FAM120A: variants seen among roughly 807,000 people sequenced by gnomAD.
FAM120A encodes the protein constitutive coactivator of PPAR-gamma-like protein 1.
Under a neutral mutation model 109.7 loss-of-function variants are expected in FAM120A, and 15 were observed. That is an observed-to-expected ratio of 0.14 (90% confidence interval 0.09 to 0.21). FAM120A has a LOEUF of 0.21. Ranked by LOEUF, FAM120A falls within the 10% of genes least tolerant of loss-of-function variation. FAM120A has a pLI of 1.00. For missense variants in FAM120A, 899 were observed against 1,439.3 expected, an observed-to-expected ratio of 0.62 and a Z score of 6.07; for synonymous variants, 493 against 572.8, an observed-to-expected ratio of 0.86 and a Z score of 1.99.
chr9:93,513,357 C>T (rs1237114960), intron 5 of FAM120A, among the ~76,000 whole-genome samples: 1 of 152,152 alleles, frequency 6.6e-6, no homozygotes, highest in Non-Finnish European at 1.5e-5. Flanking sequence ...TGTTTGTGTG[C>T]ACTTCTGTGT....
intron 17 of FAM120A, among the ~76,000 whole-genome samples, chr9:93,563,266 C>T (rs917841608): frequency 5.9e-5 from 9 of 152,148 alleles, no homozygotes; most frequent in African/African-American, 2.2e-4. Flanking sequence ...GAAGGGAATG[C>T]GATGACGAGC....
chr9:93,543,375 T>A lies in FAM120A; in HGVS notation c.2063T>A (p.Met688Lys). The A allele has an allele frequency of 6.2e-7, 1 of 1,614,182 alleles. No homozygotes were observed. Among genetic ancestry groups the A allele is most frequent in the South Asian group, 1.1e-5 (1 of 91,086 alleles). ...GCGGTAGAGGACAAGAACCGCAGGA[T>A]GAGGGCCTTCCTGGCCTGCATGAGG... ...GKAVEDKNRR[M>K]RAFLACMRSD... The change falls in exon 11 of 18, where the codon ATG (methionine) becomes AAG (lysine). Residue 688 changes from methionine (M) to lysine (K), a missense_variant. Coordinates refer to ENST00000277165, the MANE Select transcript of FAM120A (RefSeq NM_014612.5).
At chr9:93,504,363 G>A (rs920469479) in intron 5 of FAM120A, among the ~76,000 whole-genome samples, 2 of 152,074 alleles carry the variant, frequency 1.3e-5, no homozygotes, top group East Asian at 1.9e-4. Context: ...AAATGATTTT[G>A]TAACTATCAT....
At chr9:93,554,118 GATAC>G (rs1862198976) in intron 12 of FAM120A, among the ~76,000 whole-genome samples, 1 of 30,426 alleles carries the variant, frequency 3.3e-5, no homozygotes, top group East Asian at 1.5e-3. Flanking sequence ...AAGGCCATTT[GATAC>G]ACACACACAC....
At position 93,532,442 on chromosome 9, in the gene FAM120A, A is replaced by G. The variant is rs1362091163; in HGVS notation, c.1909+113A>G. ...GAGTTGACCCCGAGTGCCTCTGTGT[A>G]AAGGAGGTGGGCCCATCATCGGGGC... On this transcript the variant is annotated intron_variant, in intron 10 of 17. Transcript: ENST00000277165. The surrounding 1 kb of genome is among the most constrained non-coding windows in gnomAD (Gnocchi z 4.3). The G allele has an allele frequency of 4.1e-6, 5 of 1,220,310 alleles. No individual in the cohort carries two copies. In the Admixed American group the frequency reaches 5.3e-5, roughly 13 times the overall value. The allele number at this position is 1,220,310 out of a possible 1,614,324, so 75.6% of individuals were successfully genotyped here.
At chr9:93,512,573 T>G (rs1412650027) in intron 5 of FAM120A, among the ~76,000 whole-genome samples, 2 of 151,806 alleles carry the variant, frequency 1.3e-5, no homozygotes, top group Non-Finnish European at 2.9e-5. Flanking sequence ...CTCTAGTAAG[T>G]GTGAAAGGAA....
rs922248660 is a variant in FAM120A, at chr9:93,500,639, C to T, written c.1030+1753C>T. ...GAATTGATCCACTTGGTTTTTAAAT[C>T]AAGAGAGTGAAGTGGTGAGATGTGT... On this transcript the variant is annotated intron_variant, in intron 5 of 17. Coordinates refer to ENST00000277165, the MANE Select transcript of FAM120A (RefSeq NM_014612.5). This position sits in a 1 kb window ranked among gnomAD's most constrained non-coding sequence, Gnocchi z 4.6. Among the ~76,000 whole-genome samples the T allele has an allele frequency of 6.6e-6, 1 of 152,116 alleles. No homozygotes were observed. The highest frequency in any genetic ancestry group is 2.4e-5 in the African/African-American group (1 of 41,406).
intron 17 of FAM120A, among the ~76,000 whole-genome samples, chr9:93,563,026 C>CA (rs1348369843): frequency 6.6e-6 from 1 of 152,138 alleles, no homozygotes; most frequent in Non-Finnish European, 1.5e-5. Context: ...ATGACGATTG[C>CA]ATTGATTCAT....
At chr9:93,508,763 C>T (rs1367547415) in intron 5 of FAM120A, among the ~76,000 whole-genome samples, 1 of 152,102 alleles carries the variant, frequency 6.6e-6, no homozygotes, top group African/African-American at 2.4e-5. Flanking sequence ...CTGACTTTTC[C>T]ATAGAATAAA....
intron 3 of FAM120A, among the ~76,000 whole-genome samples, chr9:93,494,773 A>G (rs1279619134): frequency 6.6e-6 from 1 of 152,098 alleles, no homozygotes; most frequent in Non-Finnish European, 1.5e-5. Flanking sequence ...AGGTCCTGGT[A>G]GGAAGACCTG....
At chr9:93,513,853 T>C (rs10992768) in intron 5 of FAM120A, among the ~76,000 whole-genome samples, 42,470 of 152,090 alleles carry the variant, frequency 0.28, 7,010 homozygotes, top group East Asian at 0.42. Flanking sequence ...GAACCTCTTG[T>C]GAATGCAGCC....
chr9:93,539,517 C>G (rs1460449671), intron 10 of FAM120A, among the ~76,000 whole-genome samples: 2 of 152,144 alleles, frequency 1.3e-5, no homozygotes, highest in African/African-American at 4.8e-5. Context: ...TTTAATAAGA[C>G]TCAGTAGGAA....
chr9:93,525,900 A>G (rs1861060826), intron 7 of FAM120A, among the ~76,000 whole-genome samples: 1 of 152,230 alleles, frequency 6.6e-6, no homozygotes, highest in African/African-American at 2.4e-5. Flanking sequence ...GCGTGCATGC[A>G]GTATCCTTGG....
At chr9:93,563,191 C>G (rs1046980319) in intron 17 of FAM120A, among the ~76,000 whole-genome samples, 1 of 152,122 alleles carries the variant, frequency 6.6e-6, no homozygotes, top group Non-Finnish European at 1.5e-5. Flanking sequence ...ATCAACAAGG[C>G]AAATACCCTG....
chr9:93,474,175 T>TTTGTTG (rs532797043), intron 2 of FAM120A, among the ~76,000 whole-genome samples: 3 of 152,098 alleles, frequency 2.0e-5, no homozygotes, highest in South Asian at 2.1e-4. Context: ...CTCCTAAGTT[T>TTTGTTG]TTGTTGTTGT....
intron 16 of FAM120A, among the ~76,000 whole-genome samples, chr9:93,561,806 A>G: frequency 6.6e-6 from 1 of 152,212 alleles, no homozygotes; most frequent in East Asian, 1.9e-4. Flanking sequence ...ACAATTTTCA[A>G]TTAACCAGGT....
At chr9:93,456,334 A>G (rs1311348192) in intron 1 of FAM120A, among the ~76,000 whole-genome samples, 3 of 152,240 alleles carry the variant, frequency 2.0e-5, no homozygotes, top group African/African-American at 7.2e-5. Flanking sequence ...GTAAGGGTTT[A>G]TAATAAAGTC....
Position 93,500,802 on chromosome 9 carries a change from G to A in FAM120A, c.1030+1916G>A, listed in dbSNP as rs1175122346. On this transcript the variant is annotated intron_variant, in intron 5 of 17. Coordinates refer to ENST00000277165, the MANE Select transcript of FAM120A (RefSeq NM_014612.5). This position sits in a 1 kb window ranked among gnomAD's most constrained non-coding sequence, Gnocchi z 4.6. ...ACTGTATACCCTGCACACAGAAGAT[G>A]TCTAATAATTGCTTGTGGGAATGAT... Among the ~76,000 whole-genome samples the A allele has an allele frequency of 2.0e-5, 3 of 152,194 alleles. No homozygotes were observed. Among genetic ancestry groups the A allele is most frequent in the Non-Finnish European group, 4.4e-5 (3 of 68,036 alleles).
At chr9:93,470,136 G>T (rs991312952) in intron 1 of FAM120A, among the ~76,000 whole-genome samples, 1 of 152,112 alleles carries the variant, frequency 6.6e-6, no homozygotes, top group Non-Finnish European at 1.5e-5. Context: ...CTCCTCCAAG[G>T]CCCTGTGGAG....
Sources: allele counts gnomAD v4.1 joint callset (sites outside exome capture counted in the v4.1 genomes callset), GRCh38; gene constraint gnomAD v4.1.1; non-coding constraint Gnocchi (gnomAD v3.1); transcripts MANE v1.5; gene names NCBI Gene and HGNC (gene_info 2026-07-23, HGNC 2026-07-21).